The following TRIM2 variants were observed in gnomAD, a reference collection of about 807,000 sequenced individuals.
TRIM2 encodes tripartite motif-containing protein 2.
A neutral mutation model predicts 75.2 loss-of-function variants in TRIM2; 20 were observed. The ratio of observed to expected loss-of-function variants is 0.27; its 90% CI spans 0.19 to 0.39. The LOEUF is 0.39. TRIM2 is among the 10% of genes least tolerant of loss of function. The pLI is 1.00. For missense variants in TRIM2, 660 were observed against 990.8 expected, an observed-to-expected ratio of 0.67 and a Z score of 4.48; for synonymous variants, 373 against 388.3, an observed-to-expected ratio of 0.96 and a Z score of 0.46.
At chr4:153,180,293 C>T (rs911284184) in intron 1 of TRIM2, among the ~76,000 whole-genome samples, 5 of 152,154 alleles carry the variant, frequency 3.3e-5, no homozygotes, top group African/African-American at 1.2e-4. Flanking sequence ...ATTTCACATG[C>T]TGTCTCATTA....
intron 3 of TRIM2, among the ~76,000 whole-genome samples, chr4:153,277,896 G>T (rs1218684451): frequency 6.6e-6 from 1 of 152,194 alleles, no homozygotes; most frequent in Admixed American, 6.5e-5. Flanking sequence ...AGCAGGTTGA[G>T]TATTTTCCTC....
intron 1 of TRIM2, among the ~76,000 whole-genome samples, chr4:153,196,209 G>A (rs189425513): frequency 6.6e-6 from 1 of 152,106 alleles, no homozygotes; most frequent in African/African-American, 2.4e-5. Flanking sequence ...AGGATGGCTT[G>A]AGCCCAGGAG....
rs1350558284 is a variant in TRIM2 at position 153,295,267 on chromosome 4, C to A, written c.787-46C>A. 1 of 1,515,754 alleles carries A rather than the reference C, an allele frequency of 6.6e-7. No individual in the cohort carries two copies. Among genetic ancestry groups the A allele is most frequent in the Admixed American group, 2.1e-5 (1 of 47,714 alleles). The allele number at this position is 1,515,754 out of a possible 1,614,324, so 93.9% of individuals were successfully genotyped here. On this transcript the variant is annotated intron_variant, in intron 5 of 11. Transcript: ENST00000338700. The surrounding 1 kb of genome is among the most constrained non-coding windows in gnomAD (Gnocchi z 7.2). ...GTGGAGGGCACTGCCCCGGGCTAGG[C>A]CCCGCCCTGTGGGACGAGCTCACCA...
intron 1 of TRIM2, among the ~76,000 whole-genome samples, chr4:153,176,770 C>A (rs1004853536): frequency 6.6e-6 from 1 of 152,106 alleles, no homozygotes; most frequent in African/African-American, 2.4e-5. Context: ...GCCACCACAC[C>A]TGGCTAATTT....
chr4:153,299,132 C>G (rs1426098234), intron 6 of TRIM2, among the ~76,000 whole-genome samples: 1 of 152,136 alleles, frequency 6.6e-6, no homozygotes, highest in African/African-American at 2.4e-5. Flanking sequence ...TGATCAACAT[C>G]TCTCCAGTCC....
rs1772743704 is a variant in TRIM2, at chr4:153,338,725, T to C, written c.*3759T>C. 1.0e-6 allele frequency: 1 copy of C among 985,824 alleles called. No individual in the cohort carries two copies. The highest frequency in any genetic ancestry group is 1.2e-6 in the Non-Finnish European group (1 of 829,918). The allele number at this position is 985,824 out of a possible 1,614,324, so 61.1% of individuals were successfully genotyped here. Reference sequence around the variant, plus strand: ...CAGTGATTGGTCTGTTTGTGGAGAATGTATGAAAGCTATTAATATTCTAGA... The same window carrying C: ...CAGTGATTGGTCTGTTTGTGGAGAACGTATGAAAGCTATTAATATTCTAGA... On this transcript the variant is annotated 3_prime_UTR_variant, in exon 12 of 12. Coordinates refer to ENST00000338700, the MANE Select transcript of TRIM2 (RefSeq NM_015271.5).
intron 1 of TRIM2, among the ~76,000 whole-genome samples, chr4:153,245,292 T>C (rs1042403514): frequency 2.6e-5 from 4 of 152,376 alleles, no homozygotes; most frequent in Non-Finnish European, 5.9e-5. Context: ...TTTACGAGGT[T>C]TTTGCTATCC....
intron 10 of TRIM2, among the ~76,000 whole-genome samples, chr4:153,325,737 G>C (rs1329319043): frequency 6.6e-6 from 1 of 152,218 alleles, no homozygotes; most frequent in Non-Finnish European, 1.5e-5. Flanking sequence ...CCCACTCCCA[G>C]CTGAAAGACA....
rs1011525823 is a variant in TRIM2, at chr4:153,339,172, A to G, written c.*4206A>G. 1 of 985,768 alleles carries G rather than the reference A, an allele frequency of 1.0e-6. No homozygotes were observed. The highest frequency in any genetic ancestry group is 1.7e-5 in the African/African-American group (1 of 57,252). 61.1% of individuals were successfully genotyped at this position (985,768 alleles called of 1,614,324 possible). A position where few individuals can be genotyped will look rare whatever the true frequency, so the allele number is the denominator to read the frequency against. ...AAAGTGTTTGTATGTTCGTAGCTAC[A>G]TACGTACCACAGTATTTTGGATGCT... On this transcript the variant is annotated 3_prime_UTR_variant, in exon 12 of 12. Transcript: ENST00000338700.
chr4:153,314,686 G>C (rs1767206038), intron 6 of TRIM2, among the ~76,000 whole-genome samples: 1 of 151,978 alleles, frequency 6.6e-6, no homozygotes, highest in Admixed American at 6.6e-5. Flanking sequence ...AAAGCACCCT[G>C]CGAGAATATC....
intron 1 of TRIM2, among the ~76,000 whole-genome samples, chr4:153,240,327 T>C (rs531344917): frequency 6.6e-6 from 1 of 152,330 alleles, no homozygotes; most frequent in African/African-American, 2.4e-5. Context: ...GCAATAAAAG[T>C]AAGACACAAT....
chr4:153,301,002 C>A (rs1763786723), intron 6 of TRIM2, among the ~76,000 whole-genome samples: 1 of 151,746 alleles, frequency 6.6e-6, no homozygotes, highest in African/African-American at 2.4e-5. Context: ...ACTAGCCTAG[C>A]CAACATGATG....
At chr4:153,302,709 T>A (rs1044104230) in intron 6 of TRIM2, among the ~76,000 whole-genome samples, 2 of 152,238 alleles carry the variant, frequency 1.3e-5, no homozygotes, top group Non-Finnish European at 2.9e-5. Context: ...TTGAACTCCC[T>A]CTGTGCTCTC....
chr4:153,308,290 T>C (rs910740389), intron 6 of TRIM2: 33 of 1,547,730 alleles, frequency 2.1e-5, no homozygotes, highest in Non-Finnish European at 2.7e-5. Flanking sequence ...TCCGAAATAA[T>C]GTCCTTCTCC....
intron 1 of TRIM2, among the ~76,000 whole-genome samples, chr4:153,179,652 CA>C (rs1477838150): frequency 6.6e-6 from 1 of 152,138 alleles, no homozygotes; most frequent in Non-Finnish European, 1.5e-5. Context: ...ACTGTTTACG[CA>C]TAATGACAAG....
At chr4:153,261,650 G>A (rs1447091428) in intron 1 of TRIM2, among the ~76,000 whole-genome samples, 1 of 152,076 alleles carries the variant, frequency 6.6e-6, no homozygotes, top group Non-Finnish European at 1.5e-5. Flanking sequence ...CCTACAACAG[G>A]CAAACAAGAT....
At chr4:153,169,622 T>C (rs1387701388) in intron 1 of TRIM2, among the ~76,000 whole-genome samples, 1 of 152,230 alleles carries the variant, frequency 6.6e-6, no homozygotes, top group Admixed American at 6.5e-5. Context: ...TGAATGTATA[T>C]GTATTTATAT....
chr4:153,191,028 G>A (rs540363559), intron 1 of TRIM2, among the ~76,000 whole-genome samples: 3 of 152,088 alleles, frequency 2.0e-5, no homozygotes, highest in Non-Finnish European at 2.9e-5. Flanking sequence ...GAGCCACCGC[G>A]CCCAGCCTGG....
At chr4:153,212,702 C>G (rs1416408072) in intron 1 of TRIM2, among the ~76,000 whole-genome samples, 1 of 152,172 alleles carries the variant, frequency 6.6e-6, no homozygotes, top group Non-Finnish European at 1.5e-5. Context: ...TGGATGCAGA[C>G]TGGAGATTTA....
Sources: allele counts gnomAD v4.1 joint callset (sites outside exome capture counted in the v4.1 genomes callset), GRCh38; gene constraint gnomAD v4.1.1; non-coding constraint Gnocchi (gnomAD v3.1); transcripts MANE v1.5; gene names NCBI Gene and HGNC (gene_info 2026-07-23, HGNC 2026-07-21).